The following SKAP1 variants were observed in gnomAD, a reference collection of about 807,000 sequenced individuals.
SKAP1 encodes src kinase associated phosphoprotein 1, also known as src kinase-associated phosphoprotein 1.
In SKAP1, 44 loss-of-function variants were observed where a neutral mutation model predicts 58.5. That is an observed-to-expected ratio of 0.75 (90% CI 0.59 to 0.97). The LOEUF (loss-of-function observed/expected upper bound fraction) is 0.97, where lower values mean the gene tolerates loss of function less well. Among genes scored for constraint, SKAP1 ranks in the 50% least tolerant of loss-of-function variants. The pLI, the probability that SKAP1 is intolerant of heterozygous loss-of-function variation, is 0.00. For missense variants in SKAP1, 390 were observed against 435.2 expected (o/e 0.90, Z 0.92); for synonymous variants, 127 against 149.7 (o/e 0.85, Z 1.11).
intron 11 of SKAP1, among the ~76,000 whole-genome samples, chr17:48,160,923 T>G (rs1039210426): frequency 6.6e-6 from 1 of 152,230 alleles, no homozygotes; most frequent in African/African-American, 2.4e-5. Flanking sequence ...CACTCCCTTT[T>G]TTGCTTCCAA....
At chr17:48,199,807 G>A (rs997373548) in intron 4 of SKAP1, among the ~76,000 whole-genome samples, 1 of 152,138 alleles carries the variant, frequency 6.6e-6, no homozygotes, top group African/African-American at 2.4e-5. Flanking sequence ...GGTAAAAATA[G>A]ATCTTGCAGT....
At chr17:48,198,531 CT>C (rs1174430942) in intron 4 of SKAP1, among the ~76,000 whole-genome samples, 1 of 148,884 alleles carries the variant, frequency 6.7e-6, no homozygotes, top group Non-Finnish European at 1.5e-5. Flanking sequence ...TTCTGATACG[CT>C]TTCTTACAGG....
intron 11 of SKAP1, among the ~76,000 whole-genome samples, chr17:48,151,435 G>A (rs375373079): frequency 3.3e-5 from 5 of 152,160 alleles, no homozygotes; most frequent in Non-Finnish European, 5.9e-5. Context: ...GATTGTCGTC[G>A]CTGTTTTTTT....
intron 4 of SKAP1, among the ~76,000 whole-genome samples, chr17:48,214,373 T>C (rs1395140765): frequency 6.6e-6 from 1 of 152,242 alleles, no homozygotes; most frequent in African/African-American, 2.4e-5. Context: ...TATTGCCTTC[T>C]TCTTCATCTC....
chr17:48,419,960 A>G (rs1345600759), intron 1 of SKAP1, among the ~76,000 whole-genome samples: 2 of 152,168 alleles, frequency 1.3e-5, no homozygotes, highest in Non-Finnish European at 2.9e-5. Flanking sequence ...TCCTGAGCTC[A>G]GATCTGTCCT....
intron 4 of SKAP1, 125 bp from the exon 5 acceptor site, chr17:48,189,625 A>G (rs927036841): frequency 5.8e-5 from 36 of 619,424 alleles, no homozygotes; most frequent in Non-Finnish European, 1.1e-5. Context: ...CACAGTACAA[A>G]ATAAAACAAT....
rs371214585 is a variant in SKAP1, at chr17:48,266,036, C to T, written c.281-76536G>A. 5.0e-3 allele frequency among the ~76,000 whole-genome samples: 757 copies of T among 152,204 alleles called. 9 individuals are homozygous for T. Among genetic ancestry groups the T allele is most frequent in the African/African-American group, 0.017 (726 of 41,512 alleles). On this transcript the variant is annotated intron_variant, in intron 4 of 12. Coordinates refer to ENST00000336915, the MANE Select transcript of SKAP1 (RefSeq NM_003726.4). ...CTCTCCTGAACAGGGCTCTCATTTC[C>T]TTGTCAGCACTTGGTTTGGCTGACA... is the stretch of plus-strand genomic sequence containing the variant.
At chr17:48,244,404 AG>A (rs1171991436) in intron 4 of SKAP1, among the ~76,000 whole-genome samples, 1 of 152,198 alleles carries the variant, frequency 6.6e-6, no homozygotes, top group Admixed American at 6.5e-5. Context: ...GACGCCATAA[AG>A]GCAGTTCTAT....
intron 4 of SKAP1, among the ~76,000 whole-genome samples, chr17:48,264,779 CA>C (rs1163263503): frequency 2.4e-4 from 36 of 151,826 alleles, no homozygotes; most frequent in Middle Eastern, 3.4e-3. Context: ...CACACACACA[CA>C]CACCCTCCAT....
upstream of SKAP1, among the ~76,000 whole-genome samples, chr17:48,434,803 G>A (rs1490003755): frequency 6.6e-6 from 1 of 152,108 alleles, no homozygotes; most frequent in African/African-American, 2.4e-5. Flanking sequence ...ACAGCCTAGG[G>A]ATCACTGAGC....
At chr17:48,389,079 T>C (rs1020043023) in intron 2 of SKAP1, among the ~76,000 whole-genome samples, 41 of 152,234 alleles carry the variant, frequency 2.7e-4, no homozygotes, top group African/African-American at 9.6e-4. Context: ...ACATATCTTT[T>C]ATAAACCACA....
intron 1 of SKAP1, among the ~76,000 whole-genome samples, chr17:48,409,751 C>T (rs2144577436): frequency 6.6e-6 from 1 of 150,892 alleles, no homozygotes; most frequent in East Asian, 1.9e-4. Flanking sequence ...ACAGGTAAGG[C>T]ATAAGGGATT....
intron 4 of SKAP1, among the ~76,000 whole-genome samples, chr17:48,276,164 C>T (rs989792621): frequency 6.6e-6 from 1 of 151,334 alleles, no homozygotes; most frequent in African/African-American, 2.5e-5. Context: ...CCGTAATCTA[C>T]CCCCCCAGCC....
rs188390755 is a variant in SKAP1, at chr17:48,242,403, T to C, written c.281-52903A>G. On this transcript the variant is annotated intron_variant, in intron 4 of 12. Transcript: ENST00000336915. ...TCCAGTTACAGATTTACAGCCTCCATTCTCCTTCTTTACTGCAAATACAAT... is the reference window on the plus strand; with the variant it reads ...TCCAGTTACAGATTTACAGCCTCCACTCTCCTTCTTTACTGCAAATACAAT... Among the ~76,000 whole-genome samples, 286 of 152,328 alleles carry C rather than the reference T, an allele frequency of 1.9e-3. 1 individual carries two copies. Among genetic ancestry groups the C allele is most frequent in the African/African-American group, 6.2e-3 (256 of 41,586 alleles).
intron 11 of SKAP1, among the ~76,000 whole-genome samples, chr17:48,144,840 A>G (rs1416292161): frequency 1.3e-5 from 2 of 152,196 alleles, no homozygotes; most frequent in East Asian, 3.8e-4. Context: ...AAATGCTGAG[A>G]GGCTCCCAGG....
chr17:48,166,050 A>G (rs188685805), intron 10 of SKAP1, among the ~76,000 whole-genome samples: 2 of 152,350 alleles, frequency 1.3e-5, no homozygotes, highest in African/African-American at 4.8e-5. Context: ...TAAAACAGAC[A>G]GAGGACCTAG....
At chr17:48,263,346 A>T (rs1385622280) in intron 4 of SKAP1, among the ~76,000 whole-genome samples, 1 of 152,246 alleles carries the variant, frequency 6.6e-6, no homozygotes, top group Non-Finnish European at 1.5e-5. Flanking sequence ...TCTGTTCCAT[A>T]TGAATGTGGA....
rs367587872 is a variant in SKAP1 at position 48,406,238 on chromosome 17, C to A, written c.47-9453G>T. On this transcript the variant is annotated intron_variant, in intron 1 of 12. Transcript: ENST00000336915. Reference sequence around the variant, plus strand: ...CGAGATCATGCCACTGCACTCCAGCCTGGCGACAGAGCAAGACTCCGTCTC... The same window carrying A: ...CGAGATCATGCCACTGCACTCCAGCATGGCGACAGAGCAAGACTCCGTCTC... Among the ~76,000 whole-genome samples, 90 of 151,880 alleles carry A rather than the reference C, an allele frequency of 5.9e-4. No individual in the cohort carries two copies. The South Asian group carries it at 0.018, about 30-fold the overall frequency.
At chr17:48,326,982 C>A (rs928444853) in intron 4 of SKAP1, among the ~76,000 whole-genome samples, 4 of 150,962 alleles carry the variant, frequency 2.6e-5, no homozygotes, top group African/African-American at 9.8e-5. Context: ...ACCTCTGTCT[C>A]CCACTTCAAG....
Sources: gnomAD v4.1 joint callset for allele counts (sites outside exome capture counted in the v4.1 genomes callset) on GRCh38, gnomAD v4.1.1 for gene constraint, MANE v1.5 for transcripts, NCBI Gene and HGNC (gene_info 2026-07-23, HGNC 2026-07-21) for gene names.